TSHZ1: variants seen among roughly 807,000 people sequenced by gnomAD.
TSHZ1 encodes the protein teashirt homolog 1.
TSHZ1 carries 12 observed loss-of-function variants against 67.1 expected under a neutral mutation model. That is an observed-to-expected ratio of 0.18 (90% confidence interval 0.11 to 0.29). The LOEUF is 0.29. TSHZ1 is among the 10% of genes least tolerant of loss of function. The pLI is 1.00. For missense variants in TSHZ1, 1,305 were observed against 1,413.9 expected (o/e 0.92, Z 1.23); for synonymous variants, 632 against 622.4 (o/e 1.02, Z -0.23).
intron 1 of TSHZ1, among the ~76,000 whole-genome samples, chr18:75,245,753 T>C (rs1198999422): frequency 6.6e-6 from 1 of 152,232 alleles, no homozygotes; most frequent in Non-Finnish European, 1.5e-5. Context: ...AGTGTTCTTC[T>C]ATTTCTCCAT....
intron 1 of TSHZ1, among the ~76,000 whole-genome samples, chr18:75,259,155 A>G (rs2023399438): frequency 6.6e-6 from 1 of 152,104 alleles, no homozygotes; most frequent in South Asian, 2.1e-4. Flanking sequence ...AATGGAATTC[A>G]TTGCAGCACA....
At chr18:75,216,733 G>C (rs2022773281) in intron 1 of TSHZ1, among the ~76,000 whole-genome samples, 1 of 152,246 alleles carries the variant, frequency 6.6e-6, no homozygotes, top group Non-Finnish European at 1.5e-5. Flanking sequence ...TGATGGAGTT[G>C]AACCAAGACA....
At chr18:75,262,176 TCAGAAA>T (rs1222091237) in intron 1 of TSHZ1, among the ~76,000 whole-genome samples, 1 of 152,198 alleles carries the variant, frequency 6.6e-6, no homozygotes, top group Non-Finnish European at 1.5e-5. Flanking sequence ...TCCTGATTTC[TCAGAAA>T]GCATTTATTT....
At chr18:75,216,921 C>T (rs564378664) in intron 1 of TSHZ1, among the ~76,000 whole-genome samples, 5 of 152,134 alleles carry the variant, frequency 3.3e-5, no homozygotes, top group Non-Finnish European at 7.3e-5. Context: ...ATTTTCACTC[C>T]AGCCAAACGC....
At position 75,286,382 on chromosome 18, in the gene TSHZ1, C is replaced by T. The variant is rs753713537; in HGVS notation, c.975C>T (p.His325=). 1.9e-5 allele frequency: 30 copies of T among 1,614,198 alleles called. No individual in the cohort carries two copies. The South Asian group carries it at 3.1e-4, about 17-fold the overall frequency. ...AGTCCTTGCAGGACCTCAGCGTCCA[C>T]ATGATCAAAACCAAGCATTACCAGA... ...SFESLQDLSV[H]MIKTKHYQKV... The change falls in exon 2 of 2, where the codon CAC becomes CAT. Residue 325 remains histidine (H), a synonymous_variant. Transcript: ENST00000580243. This position sits in a 1 kb window ranked among gnomAD's most constrained non-coding sequence, Gnocchi z 5.1.
chr18:75,255,325 C>T (rs1461299329), intron 1 of TSHZ1, among the ~76,000 whole-genome samples: 2 of 152,154 alleles, frequency 1.3e-5, no homozygotes, highest in African/African-American at 4.8e-5. Flanking sequence ...GCTGCTCTTC[C>T]ATGCCTGGTA....
intron 1 of TSHZ1, among the ~76,000 whole-genome samples, chr18:75,279,780 C>T (rs748361099): frequency 5.3e-5 from 8 of 152,194 alleles, no homozygotes; most frequent in Non-Finnish European, 8.8e-5. Context: ...AACATTCCTG[C>T]CCCGGGCTGG....
rs2022906843 is a variant in TSHZ1, at chr18:75,225,149, C to T, written c.40+13233C>T. ...AGGCACATGGAGACATGTCAGTGCACGTGGGACGTGGAAGCTGCACAAGGG... is the reference window on the plus strand; with the variant it reads ...AGGCACATGGAGACATGTCAGTGCATGTGGGACGTGGAAGCTGCACAAGGG... On this transcript the variant is annotated intron_variant, in intron 1 of 1. Transcript: ENST00000580243. Among the ~76,000 whole-genome samples, 5 of 152,112 alleles carry T rather than the reference C, an allele frequency of 3.3e-5. No individual in the cohort carries two copies. In the South Asian group the frequency reaches 8.3e-4, roughly 25 times the overall value.
At chr18:75,255,099 C>T (rs1441515103) in intron 1 of TSHZ1, among the ~76,000 whole-genome samples, 1 of 152,048 alleles carries the variant, frequency 6.6e-6, no homozygotes, top group African/African-American at 2.4e-5. Context: ...ATGTATGTAT[C>T]CTTTGAATTG....
intron 1 of TSHZ1, among the ~76,000 whole-genome samples, chr18:75,268,967 A>G (rs1160658536): frequency 1.3e-5 from 2 of 152,212 alleles, no homozygotes; most frequent in Non-Finnish European, 1.5e-5. Context: ...TCAAATCATT[A>G]GAGCCTTCAG....
Position 75,289,355 on chromosome 18 carries a change from A to G in TSHZ1, c.*714A>G, listed in dbSNP as rs940551057. 1.8e-5 allele frequency: 3 copies of G among 166,882 alleles called. No individual in the cohort carries two copies. The highest frequency in any genetic ancestry group is 7.2e-5 in the African/African-American group (3 of 41,452). 10.3% of individuals were successfully genotyped at this position (166,882 alleles called of 1,614,324 possible). On this transcript the variant is annotated 3_prime_UTR_variant, in exon 2 of 2. Coordinates refer to ENST00000580243, the MANE Select transcript of TSHZ1 (RefSeq NM_001308210.2). ...GCTGAAAAATGCCACTTTCGGCAAA[A>G]AAAAAAGTATGCAAGCTATTATTTA...
intron 1 of TSHZ1, among the ~76,000 whole-genome samples, chr18:75,220,108 G>A (rs189353051): frequency 1.3e-3 from 194 of 152,306 alleles, no homozygotes; most frequent in Admixed American, 3.3e-3. Flanking sequence ...TACTACTAGA[G>A]AACCCTTCCG....
At chr18:75,258,715 T>C (rs1413557262) in intron 1 of TSHZ1, among the ~76,000 whole-genome samples, 1 of 152,166 alleles carries the variant, frequency 6.6e-6, no homozygotes, top group African/African-American at 2.4e-5. Flanking sequence ...GATTTCATGA[T>C]CCACTAGTGA....
chr18:75,228,249 C>G (rs140926364), intron 1 of TSHZ1, among the ~76,000 whole-genome samples: 2 of 152,142 alleles, frequency 1.3e-5, no homozygotes, highest in African/African-American at 4.8e-5. Flanking sequence ...GGGTTCCACC[C>G]GGGAAGGCAT....
At chr18:75,228,156 C>T (rs79745329) in intron 1 of TSHZ1, among the ~76,000 whole-genome samples, 2,370 of 152,294 alleles carry the variant, frequency 0.016, 33 homozygotes, top group Non-Finnish European at 0.024. Flanking sequence ...GCTCAACTCA[C>T]TATAGCGTGA....
chr18:75,251,836 C>G (rs184227269), intron 1 of TSHZ1, among the ~76,000 whole-genome samples: 1 of 152,262 alleles, frequency 6.6e-6, no homozygotes, highest in Admixed American at 6.5e-5. Flanking sequence ...TTTGGAAAAG[C>G]TGGAATAAAG....
chr18:75,228,017 G>C (rs1187804518), intron 1 of TSHZ1, among the ~76,000 whole-genome samples: 1 of 152,172 alleles, frequency 6.6e-6, no homozygotes, highest in Non-Finnish European at 1.5e-5. Context: ...CGGAGTTATG[G>C]TGTCATTTAT....
At chr18:75,250,248 T>G (rs1227517245) in intron 1 of TSHZ1, among the ~76,000 whole-genome samples, 1 of 152,128 alleles carries the variant, frequency 6.6e-6, no homozygotes, top group Non-Finnish European at 1.5e-5. Flanking sequence ...TGGCTGGCCC[T>G]GCCAGGCTCT....
chr18:75,214,279 T>A (rs191264757), intron 1 of TSHZ1, among the ~76,000 whole-genome samples: 1 of 152,340 alleles, frequency 6.6e-6, no homozygotes, highest in East Asian at 1.9e-4. Context: ...TTGGCATAAG[T>A]CCTTCCTATA....
Sources: allele counts gnomAD v4.1 joint callset (sites outside exome capture counted in the v4.1 genomes callset), GRCh38; gene constraint gnomAD v4.1.1; non-coding constraint Gnocchi (gnomAD v3.1); transcripts MANE v1.5; gene names NCBI Gene and HGNC (gene_info 2026-07-23, HGNC 2026-07-21).